RANBP2: variants seen among roughly 807,000 people sequenced by gnomAD.
RANBP2 encodes the protein E3 SUMO-protein ligase RanBP2.
In RANBP2, 57 loss-of-function variants were observed where a neutral mutation model predicts 303.6. The ratio of observed to expected loss-of-function variants is 0.19; its 90% CI spans 0.15 to 0.23. The LOEUF is 0.23. RANBP2 is among the 10% of genes least tolerant of loss of function. The pLI is 1.00. For missense variants in RANBP2, 3,138 were observed against 3,780.8 expected (o/e 0.83, Z 4.46); for synonymous variants, 1,167 against 1,301.5 (o/e 0.90, Z 2.23).
At chr2:109,201,989 A>G in the RANBP2 span, among the ~76,000 whole-genome samples, 1 of 152,238 alleles carries the variant, frequency 6.6e-6, no homozygotes, top group Non-Finnish European at 1.5e-5. Context: ...TAATATGTCC[A>G]AAGGAAACGG....
At chr2:109,688,975 C>T in the RANBP2 span, among the ~76,000 whole-genome samples, 4 of 150,546 alleles carry the variant, frequency 2.7e-5, no homozygotes, top group Non-Finnish European at 4.4e-5. Context: ...GGCATGATCT[C>T]GGCTCACTGC....
chr2:109,428,289 C>G, the RANBP2 span, among the ~76,000 whole-genome samples: 2 of 152,268 alleles, frequency 1.3e-5, no homozygotes, highest in Non-Finnish European at 2.9e-5. Context: ...CACTAAAATA[C>G]TTTGGTTTAC....
the RANBP2 span, among the ~76,000 whole-genome samples, chr2:108,825,022 T>C: frequency 1.3e-5 from 2 of 152,232 alleles, no homozygotes; most frequent in Non-Finnish European, 2.9e-5. Context: ...GTATGGAAGA[T>C]ACAGTACACA....
the RANBP2 span, among the ~76,000 whole-genome samples, chr2:109,053,766 C>T: frequency 3.9e-5 from 6 of 152,200 alleles, no homozygotes; most frequent in African/African-American, 1.2e-4. Flanking sequence ...GGGGTAAGGA[C>T]TCCATTCGTC....
At chr2:108,834,523 T>C in the RANBP2 span, among the ~76,000 whole-genome samples, 1 of 152,186 alleles carries the variant, frequency 6.6e-6, no homozygotes, top group Non-Finnish European at 1.5e-5. Context: ...CCTGAAAATG[T>C]CTTTTTATAC....
At chr2:109,465,766 G>T in the RANBP2 span, among the ~76,000 whole-genome samples, 2 of 152,142 alleles carry the variant, frequency 1.3e-5, no homozygotes, top group Non-Finnish European at 2.9e-5. Context: ...AGTCTCACAT[G>T]GCAGGAGCAG....
At chr2:109,691,693 G>C in the RANBP2 span, among the ~76,000 whole-genome samples, 2 of 152,110 alleles carry the variant, frequency 1.3e-5, no homozygotes, top group Admixed American at 1.3e-4. Context: ...CAAATCTATA[G>C]AGTAAAACAG....
At chr2:109,726,927 C>T in the RANBP2 span, among the ~76,000 whole-genome samples, 1 of 152,182 alleles carries the variant, frequency 6.6e-6, no homozygotes, top group East Asian at 1.9e-4. Context: ...TCAATTACCT[C>T]AGGAGATGGT....
At chr2:109,213,172 G>A in the RANBP2 span, among the ~76,000 whole-genome samples, 56 of 152,324 alleles carry the variant, frequency 3.7e-4, no homozygotes, top group African/African-American at 1.2e-3. Flanking sequence ...CCACATGGGC[G>A]CGGTTGCTTA....
the RANBP2 span, among the ~76,000 whole-genome samples, chr2:109,731,593 C>T: frequency 6.6e-6 from 1 of 151,982 alleles, no homozygotes; most frequent in African/African-American, 2.4e-5. Flanking sequence ...CAGGGTTTCA[C>T]CATATTGGCC....
At chr2:108,926,697 C>A in the RANBP2 span, among the ~76,000 whole-genome samples, 1 of 152,210 alleles carries the variant, frequency 6.6e-6, no homozygotes, top group East Asian at 1.9e-4. Flanking sequence ...AGGAAAGCCT[C>A]GGGTGCTGCT....
the RANBP2 span, among the ~76,000 whole-genome samples, chr2:109,208,327 C>G: frequency 6.6e-6 from 1 of 152,342 alleles, no homozygotes; most frequent in Non-Finnish European, 1.5e-5. Flanking sequence ...AACCTGGGCT[C>G]CATGGCTGCT....
chr2:109,760,727 C>T, the RANBP2 span, among the ~76,000 whole-genome samples: 2 of 145,200 alleles, frequency 1.4e-5, no homozygotes, highest in African/African-American at 5.0e-5. Flanking sequence ...CCATGGACAG[C>T]TTCGACTTAG....
At chr2:108,833,645 A>G in the RANBP2 span, among the ~76,000 whole-genome samples, 1 of 152,156 alleles carries the variant, frequency 6.6e-6, no homozygotes, top group South Asian at 2.1e-4. Context: ...AGTGAAAGAT[A>G]CCAGTACTTA....
the RANBP2 span, among the ~76,000 whole-genome samples, chr2:109,328,153 C>T: frequency 6.6e-6 from 1 of 152,220 alleles, no homozygotes; most frequent in Non-Finnish European, 1.5e-5. Flanking sequence ...CATTGTCACA[C>T]TGTCAGAATT....
At chr2:109,431,801 A>G in the RANBP2 span, among the ~76,000 whole-genome samples, 2 of 152,056 alleles carry the variant, frequency 1.3e-5, no homozygotes, top group Non-Finnish European at 2.9e-5. Flanking sequence ...AGCCCAGGCC[A>G]TTGAGGCTGC....
At chr2:109,085,024 G>A in the RANBP2 span, among the ~76,000 whole-genome samples, 888 of 152,244 alleles carry the variant, frequency 5.8e-3, 7 homozygotes, top group Middle Eastern at 0.014. Context: ...CTCTCACTGC[G>A]GGGGACAGAG....
the RANBP2 span, among the ~76,000 whole-genome samples, chr2:109,629,356 T>TATATATATATATATATA: frequency 1.3e-4 from 1 of 7,768 alleles, no homozygotes; most frequent in Admixed American, 1.4e-3. Context: ...TATATATATA[T>TATATATATATATATATA]TTTTTTTTTT....
chr2:109,321,776 C>T, the RANBP2 span, among the ~76,000 whole-genome samples: 1 of 152,196 alleles, frequency 6.6e-6, no homozygotes. Flanking sequence ...TGTTATTCTG[C>T]TAGAGAGATG....
Sources: gnomAD v4.1 joint callset for allele counts (sites outside exome capture counted in the v4.1 genomes callset) on GRCh38, gnomAD v4.1.1 for gene constraint, MANE v1.5 for transcripts, NCBI Gene and HGNC (gene_info 2026-07-23, HGNC 2026-07-21) for gene names.